FOXP1: variants seen among roughly 807,000 people sequenced by gnomAD.
The protein encoded by FOXP1 is forkhead box P1.
A neutral mutation model predicts 98.2 loss-of-function variants in FOXP1; 15 were observed. The observed-to-expected ratio is 0.15, with a 90% CI of 0.10 to 0.24. The LOEUF (loss-of-function observed/expected upper bound fraction) is 0.24. Ranked by LOEUF, FOXP1 falls within the 10% of genes least tolerant of loss-of-function variation. FOXP1 has a pLI of 1.00. For missense variants in FOXP1, 633 were observed against 848.5 expected, an observed-to-expected ratio of 0.75 and a Z score of 3.15; for synonymous variants, 371 against 314.5, an observed-to-expected ratio of 1.18 and a Z score of -1.90.
intron 5 of FOXP1, among the ~76,000 whole-genome samples, chr3:71,269,131 G>A (rs1345787030): frequency 1.4e-5 from 2 of 144,816 alleles, no homozygotes; most frequent in Non-Finnish European, 3.0e-5. Flanking sequence ...GGCACATGAT[G>A]ATGCACACAA....
At chr3:71,346,339 G>A (rs1274981899) in intron 4 of FOXP1, among the ~76,000 whole-genome samples, 1 of 152,174 alleles carries the variant, frequency 6.6e-6, no homozygotes, top group East Asian at 1.9e-4. Context: ...AAGCGCCAAA[G>A]TTTTGATTTA....
chr3:71,141,788 A>G (rs1020156373), intron 6 of FOXP1, among the ~76,000 whole-genome samples: 3 of 152,232 alleles, frequency 2.0e-5, no homozygotes, highest in Non-Finnish European at 2.9e-5. Flanking sequence ...CTTCATTAAA[A>G]AAAAGAAAAA....
At chr3:71,446,406 T>G (rs1682730568) in intron 3 of FOXP1, among the ~76,000 whole-genome samples, 1 of 152,042 alleles carries the variant, frequency 6.6e-6, no homozygotes, top group South Asian at 2.1e-4. Flanking sequence ...GGGTGAAACC[T>G]CGTAAACTCT....
intron 3 of FOXP1, among the ~76,000 whole-genome samples, chr3:71,427,001 C>T (rs1324020467): frequency 1.3e-5 from 2 of 149,066 alleles, no homozygotes; most frequent in African/African-American, 5.0e-5. Flanking sequence ...GCAGAGGCTG[C>T]AGTGAGCCAA....
intron 2 of FOXP1, among the ~76,000 whole-genome samples, chr3:71,554,482 C>CT (rs1177393658): frequency 2.6e-5 from 4 of 151,908 alleles, no homozygotes; most frequent in Non-Finnish European, 5.9e-5. Context: ...GATGCTTTAC[C>CT]TTCAACAGAA....
chr3:71,402,939 C>A (rs1168570616), intron 3 of FOXP1, among the ~76,000 whole-genome samples: 3 of 152,226 alleles, frequency 2.0e-5, no homozygotes, highest in Admixed American at 6.5e-5. Flanking sequence ...TCCACCCAAT[C>A]CACTCCCTGC....
At chr3:71,457,752 A>G (rs934701425) in intron 3 of FOXP1, among the ~76,000 whole-genome samples, 6 of 152,328 alleles carry the variant, frequency 3.9e-5, no homozygotes, top group African/African-American at 1.4e-4. Context: ...GACATGCACA[A>G]TCAAAGCACT....
At chr3:71,125,437 G>A (rs1223785248) in intron 6 of FOXP1, among the ~76,000 whole-genome samples, 1 of 152,050 alleles carries the variant, frequency 6.6e-6, no homozygotes, top group Non-Finnish European at 1.5e-5. Context: ...AATTAGACAC[G>A]TATAGAAAAA....
intron 6 of FOXP1, among the ~76,000 whole-genome samples, chr3:71,141,128 CGTG>C (rs1422567356): frequency 6.6e-6 from 1 of 151,704 alleles, no homozygotes; most frequent in African/African-American, 2.4e-5. Context: ...ATTAGCCAGG[CGTG>C]GTGGCAGGCG....
intron 3 of FOXP1, among the ~76,000 whole-genome samples, chr3:71,433,356 A>T (rs1276181096): frequency 1.3e-5 from 2 of 152,224 alleles, no homozygotes; most frequent in African/African-American, 4.8e-5. Flanking sequence ...CTAAATGTAT[A>T]AACACTCTAC....
rs1282822380 is a variant in FOXP1 at position 71,019,148 on chromosome 3, A to G, written c.870-3495T>C. Among the ~76,000 whole-genome samples, 6 of 152,328 alleles carry G rather than the reference A, an allele frequency of 3.9e-5. No homozygotes were observed. In the East Asian group the frequency reaches 1.2e-3, roughly 29 times the overall value. ...TTACTGCCTTTTGGGTCGTGCCAAA[A>G]AAGACAAGAAGGGAAATAAAAATGA... On this transcript the variant is annotated intron_variant, in intron 11 of 20. Coordinates refer to ENST00000649528, the MANE Select transcript of FOXP1 (RefSeq NM_001349338.3).
intron 5 of FOXP1, among the ~76,000 whole-genome samples, chr3:71,261,958 T>C (rs1283743740): frequency 6.6e-6 from 1 of 152,086 alleles, no homozygotes; most frequent in East Asian, 1.9e-4. Context: ...CATCCATTTG[T>C]TTGCTGAACA....
intron 3 of FOXP1, among the ~76,000 whole-genome samples, chr3:71,459,557 A>G (rs1305650111): frequency 6.6e-6 from 1 of 152,244 alleles, no homozygotes; most frequent in African/African-American, 2.4e-5. Context: ...CACAAAAAGA[A>G]TGCCAAAAGG....
At chr3:71,067,823 C>T (rs1157156855) in intron 7 of FOXP1, among the ~76,000 whole-genome samples, 4 of 150,574 alleles carry the variant, frequency 2.7e-5, no homozygotes, top group Non-Finnish European at 4.4e-5. Context: ...ACTGAGGTGG[C>T]AGGATCACTT....
chr3:71,094,552 C>T (rs1041545762), intron 7 of FOXP1, among the ~76,000 whole-genome samples: 4 of 152,170 alleles, frequency 2.6e-5, no homozygotes, highest in East Asian at 3.8e-4. Flanking sequence ...AAACAAGCTT[C>T]GGGGTTTGGC....
chr3:71,458,721 C>T (rs61154009), intron 3 of FOXP1, among the ~76,000 whole-genome samples: 4,830 of 152,240 alleles, frequency 0.032, 236 homozygotes, highest in African/African-American at 0.11. Context: ...GGAACACAAG[C>T]GTAAAGCAAT....
intron 3 of FOXP1, among the ~76,000 whole-genome samples, chr3:71,401,045 G>A (rs966905088): frequency 7.9e-5 from 12 of 152,118 alleles, no homozygotes; most frequent in Admixed American, 2.0e-4. Flanking sequence ...CCTTCCGTAC[G>A]GGAGTCTCCT....
At position 71,214,900 on chromosome 3, in the gene FOXP1, T is replaced by C. The variant is rs547660501; in HGVS notation, c.-11-16508A>G. Among the ~76,000 whole-genome samples the C allele has an allele frequency of 2.0e-5, 3 of 152,290 alleles. No individual in the cohort carries two copies. The South Asian group carries it at 6.2e-4, about 32-fold the overall frequency. ...GACAAGGGTTTCCAATAGAACCACA[T>C]ATACCTCCAACAGATGAGAAAGTGA... On this transcript the variant is annotated intron_variant, in intron 5 of 20. Coordinates refer to ENST00000649528, the MANE Select transcript of FOXP1 (RefSeq NM_001349338.3).
intron 2 of FOXP1, chr3:71,570,550 G>A (rs1410364721): frequency 6.6e-6 from 1 of 152,212 alleles, no homozygotes; most frequent in Non-Finnish European, 1.5e-5. Flanking sequence ...CAGCCTCTGT[G>A]ACCACTCATG....
Sources: gnomAD v4.1 joint callset for allele counts (sites outside exome capture counted in the v4.1 genomes callset) on GRCh38, gnomAD v4.1.1 for gene constraint, MANE v1.5 for transcripts, NCBI Gene and HGNC (gene_info 2026-07-23, HGNC 2026-07-21) for gene names.